The following FBXW5 variants were observed in gnomAD, a reference collection of about 807,000 sequenced individuals.
FBXW5 encodes the protein F-box/WD repeat-containing protein 5.
In FBXW5, 74 loss-of-function variants were observed where a neutral mutation model predicts 50.9. The observed-to-expected ratio is 1.45, with a 90% CI of 1.20 to 1.76. The LOEUF is 1.76. FBXW5 is among the 40% of genes most tolerant of loss of function. The pLI, the probability that FBXW5 is intolerant of heterozygous loss-of-function variation, is 0.00. For missense variants in FBXW5, 1,073 were observed against 818.8 expected (o/e 1.31, Z -3.79); for synonymous variants, 523 against 362.2 (o/e 1.44, Z -5.04).
At chr9:136,941,716 C>T in intron 6 of FBXW5, 32 bp from the exon 7 acceptor site, 1 of 1,538,466 alleles carries the variant, frequency 6.5e-7, no homozygotes, top group Non-Finnish European at 8.7e-7. Flanking sequence ...GGGTCCCTGT[C>T]CAATGCCCCA....
rs773341364 is a variant in FBXW5 at position 136,943,392 on chromosome 9, G to C, written c.308C>G (p.Ser103Cys). The stretch of plus-strand genomic sequence containing the variant: ...GGAGCAGGACGCGAACTGGTACCCG[G>C]AATGGGAGAAGCTGAGGTGCAGGAC... ...DQVLHLSFSHSGYQFASCSKD... is the reference protein window; with the variant it reads ...DQVLHLSFSHCGYQFASCSKD... Residue 103 changes from serine (S) to cysteine (C), a missense_variant, in exon 3 of 9, where the codon TCC (serine) becomes TGC (cysteine). Transcript: ENST00000325285. 12 of 1,612,792 alleles carry C rather than the reference G, an allele frequency of 7.4e-6. No individual in the cohort carries two copies. In the South Asian group the frequency reaches 9.9e-5, roughly 13 times the overall value.
intron 1 of FBXW5, 189 bp from the exon 2 acceptor site, chr9:136,944,295 G>C: frequency 1.5e-6 from 1 of 677,198 alleles, no homozygotes. Context: ...GCCCCTCTCC[G>C]CCGCGTCATC....
Position 136,941,656 on chromosome 9 carries a change from C to T in FBXW5, c.1125G>A (p.Met375Ile). The T allele has an allele frequency of 1.3e-6, 2 of 1,567,262 alleles. No individual in the cohort carries two copies. The highest frequency in any genetic ancestry group is 2.7e-5 in the African/African-American group (2 of 73,842). Reference sequence around the variant, plus strand: ...CACCCAGCACGGGCCCTGCCGTGGTCATCTGGTGTGGCAGGATCTGCTTGA... The same window carrying T: ...CACCCAGCACGGGCCCTGCCGTGGTTATCTGGTGTGGCAGGATCTGCTTGA... Reference protein sequence around the residue: ...IGIKQILPHQMTTAGPVLGEG... With the variant: ...IGIKQILPHQITTAGPVLGEG... Residue 375 changes from methionine to isoleucine, a missense_variant, in exon 7 of 9, where the codon ATG becomes ATA. Transcript: ENST00000325285.
chr9:136,943,657 G>GT (rs1323808290), intron 2 of FBXW5, 151 bp from the exon 3 acceptor site: 1 of 1,190,018 alleles, frequency 8.4e-7, no homozygotes, highest in African/African-American at 1.5e-5. Context: ...ATTCAACCCT[G>GT]TAGCTCACAG....
Position 136,941,539 on chromosome 9 carries a change from G to A in FBXW5, c.1242C>T (p.Asn414=). 6.2e-7 allele frequency: 1 copy of A among 1,610,070 alleles called. No individual in the cohort carries two copies. Among genetic ancestry groups the A allele is most frequent in the East Asian group, 2.2e-5 (1 of 44,870 alleles). ...HIIGMGLSPD[N]RYLYVNSRAW... ...TGGGACACTGGCAAGAGGCCCACCT[G>A]TTGTCGGGCGACAGGCCCATGCCGA... Residue 414 remains asparagine, a splice_region_variant and synonymous_variant, in exon 7 of 9, where the codon AAC becomes AAT. Transcript: ENST00000325285.
rs1554786295 is a variant in FBXW5 at position 136,942,534 on chromosome 9, G to A, written c.675+13C>T. ...CCCCAGGAGGGCAGCCCCGCCCCTAGCCCCGCACGCACCTGGAAGGCATTG... is the reference window on the plus strand; with the variant it reads ...CCCCAGGAGGGCAGCCCCGCCCCTAACCCCGCACGCACCTGGAAGGCATTG... On this transcript the variant is annotated intron_variant, in intron 5 of 8. Transcript: ENST00000325285. The A allele has an allele frequency of 8.1e-6, 13 of 1,608,186 alleles. 1 individual carries two copies. In the South Asian group the frequency reaches 1.3e-4, roughly 16 times the overall value.
chr9:136,944,189 G>A (rs1850939693), intron 1 of FBXW5, 83 bp from the exon 2 acceptor site: 1 of 1,380,756 alleles, frequency 7.2e-7, no homozygotes, highest in Non-Finnish European at 9.6e-7. Context: ...AGCCCCAACC[G>A]TCCCGCCGGG....
Position 136,943,888 on chromosome 9 carries a change from G to T in FBXW5, c.193+3C>A, listed in dbSNP as rs1850917895. The T allele has an allele frequency of 6.5e-7, 1 of 1,549,652 alleles. No individual in the cohort carries two copies. The highest frequency in any genetic ancestry group is 1.2e-5 in the South Asian group (1 of 84,012). On this transcript the variant is annotated splice_donor_region_variant and intron_variant, in intron 2 of 8. Coordinates refer to ENST00000325285, the MANE Select transcript of FBXW5 (RefSeq NM_018998.4). Reference sequence around the variant, plus strand: ...GTGGGTAGGGGCCCCACACGCCACTGACCTGGGTGTCGGGGCACGTCGCGG... The same window carrying T: ...GTGGGTAGGGGCCCCACACGCCACTTACCTGGGTGTCGGGGCACGTCGCGG...
At position 136,941,356 on chromosome 9, in the gene FBXW5, T is replaced by C; in HGVS notation, c.1352A>G (p.Lys451Arg). 6.2e-7 allele frequency: 1 copy of C among 1,611,734 alleles called. No individual in the cohort carries two copies. The highest frequency in any genetic ancestry group is 8.5e-7 in the Non-Finnish European group (1 of 1,179,896). The change falls in exon 8 of 9, where the codon AAG (lysine) becomes AGG (arginine). Residue 451 changes from lysine (K) to arginine (R), a missense_variant. Coordinates refer to ENST00000325285, the MANE Select transcript of FBXW5 (RefSeq NM_018998.4). Reference protein sequence around the residue: ...EEIDLLVFDLKTMREVRRALR... With the variant: ...EEIDLLVFDLRTMREVRRALR... ...AGCCCGCCTCACCTCCCGCATGGTCTTGAGGTCGAACACCAGCAGGTCAAT... is the reference window on the plus strand; with the variant it reads ...AGCCCGCCTCACCTCCCGCATGGTCCTGAGGTCGAACACCAGCAGGTCAAT...
Position 136,940,691 on chromosome 9 carries a change from T to C in FBXW5, c.*237A>G, listed in dbSNP as rs766419131. The C allele has an allele frequency of 5.0e-6, 3 of 597,292 alleles. No individual in the cohort carries two copies. Among genetic ancestry groups the C allele is most frequent in the Non-Finnish European group, 8.7e-6 (3 of 346,466 alleles). The allele number at this position is 597,292 out of a possible 1,614,324, so 37.0% of individuals were successfully genotyped here. On this transcript the variant is annotated 3_prime_UTR_variant, in exon 9 of 9. Coordinates refer to ENST00000325285, the MANE Select transcript of FBXW5 (RefSeq NM_018998.4). The stretch of plus-strand genomic sequence containing the variant: ...GGAGCGGCACCCCCAGTATCCTGTG[T>C]ACCCCAAGTTGCCCAGGAGGCCGAG...
chr9:136,944,425 C>T (rs1156706812), intron 1 of FBXW5, 169 bp downstream of exon 1: 289 of 878,014 alleles, frequency 3.3e-4, no homozygotes, highest in Non-Finnish European at 3.8e-4. Flanking sequence ...AGAGGAAGCT[C>T]GGGGCGGCCA....
In FBXW5 at chr9:136,944,611, G is replaced by A; in HGVS notation, c.-41C>T. On this transcript the variant is annotated 5_prime_UTR_variant, in exon 1 of 9. Transcript: ENST00000325285. ...GCACTCACCACGGCCGCCTCCGCCC[G>A]CTGCGCCGCCCCCGCCCTGCGCGAC... is the stretch of plus-strand genomic sequence containing the variant. 5 of 984,080 alleles carry A rather than the reference G, an allele frequency of 5.1e-6. No individual in the cohort carries two copies. Among genetic ancestry groups the A allele is most frequent in the African/African-American group, 1.7e-5 (1 of 57,156 alleles). The allele number at this position is 984,080 out of a possible 1,614,324, so 61.0% of individuals were successfully genotyped here.
chr9:136,941,024 G>A lies in FBXW5; in HGVS notation c.1605C>T (p.Ile535=), dbSNP rs564838703. 1.7e-5 allele frequency: 27 copies of A among 1,553,432 alleles called. No homozygotes were observed. In the African/African-American group the frequency reaches 3.3e-4, roughly 19 times the overall value. ...LLLTASDDAT[I]KAWRSPRTMR... ...TGGTGCGTGGGGAGCGCCAGGCTTT[G>A]ATGGTGGCGTCGTCGCTGGCCGTGA... The change falls in exon 9 of 9, where the codon ATC becomes ATT. Residue 535 remains isoleucine (I), a synonymous_variant. Transcript: ENST00000325285.
Position 136,942,422 on chromosome 9 carries a change from C to T in FBXW5, c.720G>A (p.Lys240=). The stretch of plus-strand genomic sequence containing the variant: ...CGGTGCTGGCATTGAGGTTCTGGAT[C>T]TTGAACAGCCGCTTCACCACGTTGA... ...ENVNVVKRLF[K]IQNLNASTVR... The change falls in exon 6 of 9, where the codon AAG becomes AAA. Residue 240 remains lysine (K), a synonymous_variant. Transcript: ENST00000325285. The T allele has an allele frequency of 1.9e-6, 3 of 1,603,484 alleles. No homozygotes were observed. The highest frequency in any genetic ancestry group is 2.6e-6 in the Non-Finnish European group (3 of 1,172,622).
intron 1 of FBXW5, 149 bp downstream of exon 1, chr9:136,944,445 C>T (rs1588464739): frequency 6.3e-6 from 6 of 946,956 alleles, no homozygotes; most frequent in Non-Finnish European, 7.6e-6. Context: ...AGGCAGTGGC[C>T]TCCGCCCTGC....
intron 3 of FBXW5, 124 bp from the exon 4 acceptor site, chr9:136,943,067 C>T (rs1488362729): frequency 4.8e-6 from 7 of 1,458,406 alleles, no homozygotes; most frequent in Non-Finnish European, 6.6e-6. Context: ...AGCAGGGACC[C>T]CTTCCAGCCA....
At position 136,942,676 on chromosome 9, in the gene FBXW5, G is replaced by A. The variant is rs1850833668; in HGVS notation, c.546C>T (p.Ser182=). The A allele has an allele frequency of 6.2e-7, 1 of 1,610,698 alleles. No individual in the cohort carries two copies. The highest frequency in any genetic ancestry group is 8.5e-7 in the Non-Finnish European group (1 of 1,179,080). The change falls in exon 5 of 9, where the codon TCC becomes TCT. Residue 182 remains serine, a synonymous_variant. Transcript: ENST00000325285. The part of the protein sequence containing the change: ...VISLDSFALL[S]RVRNKPYDVF... ...CGTCATAGGGCTTGTTCCGCACGCG[G>A]GACAGCAGCGCGAAGGAGTCTGTGG...
chr9:136,944,218 G>C, intron 1 of FBXW5, 112 bp from the exon 2 acceptor site: 1 of 1,212,856 alleles, frequency 8.2e-7, no homozygotes. Flanking sequence ...GGGGCTGCGT[G>C]TCTGCAGGGG....
Position 136,941,301 on chromosome 9 carries a change from G to C in FBXW5, c.1407C>G (p.Asn469Lys), listed in dbSNP as rs759237517. The part of the protein sequence containing the change: ...ALRAHRAYTP[N>K]DECFFIFLDV... The stretch of plus-strand genomic sequence containing the variant: ...CCAGGAAGATGAAGAAGCACTCGTC[G>C]TTGGGCGTGTAGGCGCGGTGCGCAC... Residue 469 changes from asparagine to lysine, a missense_variant, in exon 8 of 9, where the codon AAC becomes AAG. Coordinates refer to ENST00000325285, the MANE Select transcript of FBXW5 (RefSeq NM_018998.4). 11 of 1,609,216 alleles carry C rather than the reference G, an allele frequency of 6.8e-6. No homozygotes were observed. The highest frequency in any genetic ancestry group is 6.7e-5 in the Admixed American group (4 of 59,984).
Sources: allele counts gnomAD v4.1 joint callset, GRCh38; gene constraint gnomAD v4.1.1; transcripts MANE v1.5; gene names NCBI Gene and HGNC (gene_info 2026-07-23, HGNC 2026-07-21).